WWOX: variants seen among roughly 807,000 people sequenced by gnomAD.
WWOX encodes WW domain containing oxidoreductase.
WWOX carries 69 observed loss-of-function variants against 46.2 expected under a neutral mutation model. That is an observed-to-expected ratio of 1.49 (90% confidence interval 1.23 to 1.82). The LOEUF is 1.82. Ranked by LOEUF, WWOX falls within the 40% of genes most tolerant of loss-of-function variation. The pLI, the probability that WWOX is intolerant of heterozygous loss-of-function variation, is 0.00. For missense variants in WWOX, 919 were observed against 542.6 expected (o/e 1.69, Z -6.89); for synonymous variants, 359 against 202.6 (o/e 1.77, Z -6.56).
intron 4 of WWOX, among the ~76,000 whole-genome samples, chr16:78,141,924 A>G (rs1012166951): frequency 6.6e-6 from 1 of 151,994 alleles, no homozygotes; most frequent in Non-Finnish European, 1.5e-5. Context: ...GGCAAAATAC[A>G]TATATTCTAT....
intron 8 of WWOX, among the ~76,000 whole-genome samples, chr16:79,094,495 GC>G (rs1366022536): frequency 2.0e-5 from 3 of 152,084 alleles, no homozygotes; most frequent in Non-Finnish European, 4.4e-5. Flanking sequence ...CAGGCAGTCT[GC>G]CCACCTCGGC....
At chr16:79,172,458 G>A (rs1450270771) in intron 8 of WWOX, among the ~76,000 whole-genome samples, 1 of 152,082 alleles carries the variant, frequency 6.6e-6, no homozygotes, top group Non-Finnish European at 1.5e-5. Context: ...CACTTATCTT[G>A]GTACCTGTAG....
At chr16:78,811,523 C>G (rs140087704) in intron 8 of WWOX, among the ~76,000 whole-genome samples, 3 of 150,914 alleles carry the variant, frequency 2.0e-5, no homozygotes, top group East Asian at 2.0e-4. Context: ...TCCTTTTTCT[C>G]TCTCTCTTTC....
In WWOX at chr16:78,594,429, G is replaced by GCCCCCCCCCCCCCCCCCCCCCCCCCC. The variant is rs138806967; in HGVS notation, c.1056+161693_1056+161694insCCCCCCCCCCCCCCCCCCCCCCCCCC. ...TCTTGACGAAGAAGACTGAGGAAAG[G>GCCCCCCCCCCCCCCCCCCCCCCCCCC]CCCCCCCCCCCCCCCCGCCAAATTG... is the stretch of plus-strand genomic sequence containing the variant. On this transcript the variant is annotated intron_variant, in intron 8 of 8. Coordinates refer to ENST00000566780, the MANE Select transcript of WWOX (RefSeq NM_016373.4). Among the ~76,000 whole-genome samples the GCCCCCCCCCCCCCCCCCCCCCCCCCC allele has an allele frequency of 6.2e-5, 2 of 32,380 alleles. 1 individual carries two copies. The allele number at this position is 32,380 out of a possible 152,430, so 21.2% of individuals were successfully genotyped here. A position where few individuals can be genotyped will look rare whatever the true frequency, so the allele number is the denominator to read the frequency against.
chr16:79,196,180 T>A (rs2051236367), intron 8 of WWOX, among the ~76,000 whole-genome samples: 1 of 152,224 alleles, frequency 6.6e-6, no homozygotes, highest in African/African-American at 2.4e-5. Flanking sequence ...CACCTGTTGG[T>A]GAACAGTGAG....
At chr16:78,985,508 G>C (rs532519082) in intron 8 of WWOX, among the ~76,000 whole-genome samples, 1 of 152,284 alleles carries the variant, frequency 6.6e-6, no homozygotes, top group East Asian at 1.9e-4. Context: ...GGTGGCTCAC[G>C]CTGTAATCCC....
At chr16:78,703,832 C>T (rs146768427) in intron 8 of WWOX, among the ~76,000 whole-genome samples, 2 of 152,020 alleles carry the variant, frequency 1.3e-5, no homozygotes, top group African/African-American at 4.8e-5. Context: ...GCTGTGGGCA[C>T]AGAACTGGGT....
chr16:78,574,430 T>C (rs1442669993), intron 8 of WWOX, among the ~76,000 whole-genome samples: 2 of 152,050 alleles, frequency 1.3e-5, no homozygotes, highest in South Asian at 2.1e-4. Context: ...CTCTCCTCTT[T>C]GCTGCCAAAT....
chr16:78,185,523 G>A (rs926305337), intron 5 of WWOX, among the ~76,000 whole-genome samples: 4 of 151,642 alleles, frequency 2.6e-5, no homozygotes, highest in East Asian at 1.9e-4. Flanking sequence ...ACATGTAGAA[G>A]CTCATTGGTA....
chr16:78,854,577 A>G (rs1013985383), intron 8 of WWOX, among the ~76,000 whole-genome samples: 10 of 152,076 alleles, frequency 6.6e-5, no homozygotes, highest in Non-Finnish European at 1.3e-4. Context: ...TGTATTTGCT[A>G]ATTTGTTTCT....
intron 5 of WWOX, among the ~76,000 whole-genome samples, chr16:78,231,970 A>G (rs1392770129): frequency 1.3e-5 from 2 of 152,128 alleles, no homozygotes; most frequent in African/African-American, 2.4e-5. Flanking sequence ...ACTGCCTGCT[A>G]TGGAGGTTAA....
chr16:78,387,270 G>C (rs745553474), intron 6 of WWOX, among the ~76,000 whole-genome samples: 13 of 152,146 alleles, frequency 8.5e-5, no homozygotes, highest in Non-Finnish European at 1.5e-4. Context: ...GTGCATTTCA[G>C]AATGGAGTAA....
intron 5 of WWOX, among the ~76,000 whole-genome samples, chr16:78,380,876 C>A (rs1325686913): frequency 6.6e-6 from 1 of 152,172 alleles, no homozygotes; most frequent in Admixed American, 6.5e-5. Context: ...ATGGTCATCA[C>A]ATTTTAGCAG....
intron 8 of WWOX, among the ~76,000 whole-genome samples, chr16:79,010,936 C>G (rs886197813): frequency 1.3e-5 from 2 of 151,674 alleles, no homozygotes; most frequent in South Asian, 2.1e-4. Flanking sequence ...CCTGCCATGG[C>G]TTTGGTTTCT....
intron 8 of WWOX, among the ~76,000 whole-genome samples, chr16:78,968,112 CCGCG>C (rs879295830): frequency 0.33 from 48,810 of 148,998 alleles, 8,262 homozygotes; most frequent in Non-Finnish European, 0.36. Flanking sequence ...AGCGCGTGGT[CCGCG>C]TGGCACAGCG....
intron 8 of WWOX, among the ~76,000 whole-genome samples, chr16:79,094,256 T>C (rs192807585): frequency 6.6e-6 from 1 of 151,282 alleles, no homozygotes; most frequent in African/African-American, 2.4e-5. Context: ...TTTTTTTTTT[T>C]TTTCTTTTTT....
chr16:78,482,859 G>C (rs945909051), intron 8 of WWOX, among the ~76,000 whole-genome samples: 1 of 152,120 alleles, frequency 6.6e-6, no homozygotes, highest in Non-Finnish European at 1.5e-5. Context: ...TCTAGCAAGA[G>C]GGCCAGGCAC....
intron 8 of WWOX, among the ~76,000 whole-genome samples, chr16:78,730,577 A>C (rs1003108869): frequency 2.7e-5 from 4 of 150,584 alleles, no homozygotes; most frequent in African/African-American, 9.8e-5. Flanking sequence ...CTAGCCTCCT[A>C]AGTAGCTGGG....
chr16:78,472,777 C>A (rs186930573), intron 8 of WWOX, among the ~76,000 whole-genome samples: 1 of 143,016 alleles, frequency 7.0e-6, no homozygotes, highest in Non-Finnish European at 1.5e-5. Flanking sequence ...CCATTGTTCT[C>A]CAGCCTGGGC....
Sources: gnomAD v4.1 joint callset for allele counts (sites outside exome capture counted in the v4.1 genomes callset) on GRCh38, gnomAD v4.1.1 for gene constraint, MANE v1.5 for transcripts, NCBI Gene and HGNC (gene_info 2026-07-23, HGNC 2026-07-21) for gene names.